The following STXBP6 variants were observed in gnomAD, a reference collection of about 807,000 sequenced individuals.
STXBP6 encodes the protein syntaxin binding protein 6.
STXBP6 carries 21 observed loss-of-function variants against 26.9 expected under a neutral mutation model. The observed-to-expected ratio is 0.78, with a 90% CI of 0.55 to 1.12. The LOEUF is 1.12. Ranked by LOEUF, STXBP6 falls within the 50% of genes most tolerant of loss-of-function variation. STXBP6 has a pLI of 0.00. For missense variants in STXBP6, 232 were observed against 257.9 expected (o/e 0.90, Z 0.69); for synonymous variants, 97 against 92.6 (o/e 1.05, Z -0.27).
rs766997471 is a variant in STXBP6, at chr14:24,974,826, C to A, written c.-8G>T. 1 of 1,597,958 alleles carries A rather than the reference C, an allele frequency of 6.3e-7. No individual in the cohort carries two copies. Among genetic ancestry groups the A allele is most frequent in the Non-Finnish European group, 8.5e-7 (1 of 1,170,804 alleles). On this transcript the variant is annotated 5_prime_UTR_variant, in exon 2 of 6. Transcript: ENST00000323944. ...AGCAGATTTGGCACTCATTGTAGAA[C>A]AAGTGAGGACAGCACGCAGTGAATC...
intron 5 of STXBP6, chr14:24,818,069 G>A (rs1056909254): frequency 2.2e-6 from 1 of 456,554 alleles, no homozygotes; most frequent in African/African-American, 2.0e-5. Context: ...CAGAAGTGGT[G>A]TTTCTGTTAA....
intron 1 of STXBP6, among the ~76,000 whole-genome samples, chr14:24,997,156 C>G (rs1175544039): frequency 2.0e-5 from 3 of 152,178 alleles, no homozygotes; most frequent in African/African-American, 7.2e-5. Context: ...TCCTGACTCA[C>G]AGGCCAGAAT....
intron 1 of STXBP6, among the ~76,000 whole-genome samples, chr14:24,982,464 T>TA (rs2074222135): frequency 6.6e-6 from 1 of 152,220 alleles, no homozygotes; most frequent in African/African-American, 2.4e-5. Context: ...CTTGCTCTCT[T>TA]AGATGAATAA....
At position 24,873,342 on chromosome 14, in the gene STXBP6, G is replaced by A. The variant is rs142875448; in HGVS notation, c.155-16185C>T. Among the ~76,000 whole-genome samples the A allele has an allele frequency of 3.4e-3, 518 of 152,208 alleles. 2 individuals carry two copies. Among genetic ancestry groups the A allele is most frequent in the African/African-American group, 0.011 (474 of 41,512 alleles). ...AATGGTAGTTCAGGGCCAACAGAGGGTTCAACAAGCCAGAAGAGCCAGGAC... is the reference window on the plus strand; with the variant it reads ...AATGGTAGTTCAGGGCCAACAGAGGATTCAACAAGCCAGAAGAGCCAGGAC... On this transcript the variant is annotated intron_variant, in intron 2 of 5. Transcript: ENST00000323944.
chr14:24,973,245 A>G (rs961653624), intron 2 of STXBP6, among the ~76,000 whole-genome samples: 1 of 152,206 alleles, frequency 6.6e-6, no homozygotes, highest in African/African-American at 2.4e-5. Flanking sequence ...GGCACTGCTT[A>G]GCGCACTAAA....
intron 2 of STXBP6, among the ~76,000 whole-genome samples, chr14:24,865,635 T>C (rs1220034840): frequency 6.6e-6 from 1 of 152,168 alleles, no homozygotes; most frequent in Non-Finnish European, 1.5e-5. Context: ...GAATAGTGCC[T>C]GTTTCCATCA....
chr14:24,886,521 C>T (rs2070593378), intron 2 of STXBP6, among the ~76,000 whole-genome samples: 1 of 152,104 alleles, frequency 6.6e-6, no homozygotes, highest in South Asian at 2.1e-4. Context: ...GAAATCTTTG[C>T]TATCTAGAAC....
intron 2 of STXBP6, among the ~76,000 whole-genome samples, chr14:24,926,105 T>C (rs1291044678): frequency 1.3e-5 from 2 of 152,212 alleles, no homozygotes; most frequent in African/African-American, 4.8e-5. Flanking sequence ...CTAGTTTTAT[T>C]TAATTTTTGG....
At chr14:24,957,834 T>C (rs982085302) in intron 2 of STXBP6, among the ~76,000 whole-genome samples, 4 of 152,238 alleles carry the variant, frequency 2.6e-5, no homozygotes, top group African/African-American at 9.6e-5. Context: ...GTTTTTACTA[T>C]TGCCAAAGCT....
intron 1 of STXBP6, among the ~76,000 whole-genome samples, chr14:25,018,447 G>A (rs1365267559): frequency 1.3e-5 from 2 of 152,164 alleles, no homozygotes; most frequent in African/African-American, 4.8e-5. Context: ...CCATCTGAGA[G>A]GGGTAATATA....
chr14:25,007,406 CA>C (rs2074927475), intron 1 of STXBP6, among the ~76,000 whole-genome samples: 1 of 152,188 alleles, frequency 6.6e-6, no homozygotes, highest in South Asian at 2.1e-4. Context: ...CAGTCAGCCA[CA>C]ATATGTAAAT....
chr14:24,967,033 A>G, intron 2 of STXBP6, among the ~76,000 whole-genome samples: 1 of 152,192 alleles, frequency 6.6e-6, no homozygotes, highest in East Asian at 1.9e-4. Flanking sequence ...CCCTATGCCT[A>G]CAAGAGAAGG....
intron 4 of STXBP6, among the ~76,000 whole-genome samples, chr14:24,851,672 A>G (rs1367068191): frequency 6.6e-6 from 1 of 150,552 alleles, no homozygotes; most frequent in Admixed American, 6.6e-5. Flanking sequence ...CAATAAACAC[A>G]GAGAAAATAA....
intron 1 of STXBP6, among the ~76,000 whole-genome samples, chr14:24,991,922 C>A (rs1303588066): frequency 2.6e-5 from 4 of 152,208 alleles, no homozygotes; most frequent in Non-Finnish European, 5.9e-5. Flanking sequence ...GGAACCCAGA[C>A]ACCTGGTGGC....
At chr14:24,914,538 C>T (rs1330429517) in intron 2 of STXBP6, among the ~76,000 whole-genome samples, 1 of 152,116 alleles carries the variant, frequency 6.6e-6, no homozygotes, top group Non-Finnish European at 1.5e-5. Flanking sequence ...CTCCCCCTTC[C>T]TAAATAAAAT....
At chr14:24,855,852 A>C (rs2069310175) in intron 4 of STXBP6, 84 bp downstream of exon 4, 1 of 1,345,390 alleles carries the variant, frequency 7.4e-7, no homozygotes, top group Non-Finnish European at 1.0e-6. Flanking sequence ...TTTGTCTTTA[A>C]TTATGCTGCT....
intron 1 of STXBP6, among the ~76,000 whole-genome samples, chr14:24,985,350 T>C (rs11847576): frequency 0.11 from 17,232 of 152,272 alleles, 1,059 homozygotes; most frequent in African/African-American, 0.14. Flanking sequence ...AGGAGTCAAC[T>C]CCTGAGATCT....
At chr14:24,964,647 CTGTGTGTGTG>C (rs34132743) in intron 2 of STXBP6, among the ~76,000 whole-genome samples, 5 of 140,126 alleles carry the variant, frequency 3.6e-5, no homozygotes, top group Admixed American at 7.2e-5. Context: ...AGTTCTCATT[CTGTGTGTGTG>C]TGTGTGTGTG....
At chr14:25,009,028 T>C (rs536711591) in intron 1 of STXBP6, among the ~76,000 whole-genome samples, 15 of 152,302 alleles carry the variant, frequency 9.8e-5, no homozygotes, top group Non-Finnish European at 1.0e-4. Context: ...TGGAGAATTC[T>C]GAGAGCAAGA....
Sources: gnomAD v4.1 joint callset for allele counts (sites outside exome capture counted in the v4.1 genomes callset) on GRCh38, gnomAD v4.1.1 for gene constraint, MANE v1.5 for transcripts, NCBI Gene and HGNC (gene_info 2026-07-23, HGNC 2026-07-21) for gene names.